Variants in SPTB observed in about 807,000 individuals in gnomAD.
SPTB encodes the protein spectrin beta, erythrocytic.
A neutral mutation model predicts 256.2 loss-of-function variants in SPTB; 45 were observed. That is an observed-to-expected ratio of 0.18 (90% CI 0.14 to 0.23). The LOEUF is 0.23. Among genes scored for constraint, SPTB ranks in the 10% least tolerant of loss-of-function variants. SPTB has a pLI of 1.00. For missense variants in SPTB, 2,715 were observed against 3,040.4 expected, an observed-to-expected ratio of 0.89 and a Z score of 2.52; for synonymous variants, 1,231 against 1,243.1, an observed-to-expected ratio of 0.99 and a Z score of 0.21.
chr14:64,869,551 C>G (rs2139819893), intron 1 of SPTB, among the ~76,000 whole-genome samples: 1 of 151,886 alleles, frequency 6.6e-6, no homozygotes, highest in Non-Finnish European at 1.5e-5. Context: ...CTCAAGCAAT[C>G]CTCTGGCCTC....
intron 32 of SPTB, among the ~76,000 whole-genome samples, chr14:64,762,927 C>T (rs930918641): frequency 6.6e-6 from 1 of 152,230 alleles, no homozygotes; most frequent in Non-Finnish European, 1.5e-5. Context: ...GAGCACCAAT[C>T]CCTTTCAGGG....
intron 1 of SPTB, among the ~76,000 whole-genome samples, chr14:64,857,582 A>G (rs1378840305): frequency 1.4e-5 from 2 of 139,034 alleles, no homozygotes; most frequent in Non-Finnish European, 1.5e-5. Flanking sequence ...TGCCTCAAAA[A>G]AAAAAAAAAA....
At position 64,771,101 on chromosome 14, in the gene SPTB, C is replaced by T. The variant is rs375479678; in HGVS notation, c.5582G>A (p.Arg1861His). ...CTCCCCAGCATATGCTGTCTGCAGA[C>T]GGGTGGCCACGTCCTGGAACTGCTG... ...QVQQFQDVAT[R>H]LQTAYAGEKA... The change falls in exon 27 of 36, where the codon CGT (arginine) becomes CAT (histidine). Residue 1861 changes from arginine (R) to histidine (H), a missense_variant. Arg to His is a conservative substitution (Grantham distance 29, BLOSUM62 0). This residue lies in a region of SPTB where 2,239 missense variants were observed against 2,384.4 expected (regional missense o/e 0.94). Transcript: ENST00000644917. The T allele has an allele frequency of 1.9e-5, 31 of 1,613,894 alleles. No individual in the cohort carries two copies. The highest frequency in any genetic ancestry group is 6.7e-5 in the African/African-American group (5 of 74,952).
At chr14:64,835,673 C>T (rs1026911352) in intron 1 of SPTB, among the ~76,000 whole-genome samples, 33 of 152,192 alleles carry the variant, frequency 2.2e-4, no homozygotes, top group African/African-American at 6.8e-4. Context: ...CTCCTGCTGT[C>T]GCTCTGCTGC....
chr14:64,793,214 G>A lies in SPTB; in HGVS notation c.2449C>T (p.Pro817Ser). ...GCCTGCAGCCGATGGGTCACATCTG[G>A]GGAATCCCGAAACTCTTCGGGGAAT... ...QGFPEEFRDS[P>S]DVTHRLQALR... The change falls in exon 14 of 36, where the codon CCA becomes TCA. Residue 817 changes from proline to serine, a missense_variant. Around this residue, in one of 4 missense-constraint regions of SPTB, gnomAD observed 2,239 missense variants for 2,384.4 expected, o/e 0.94. Transcript: ENST00000644917. The surrounding 1 kb of genome is among the most constrained non-coding windows in gnomAD (Gnocchi z 7.0). 1 of 1,611,876 alleles carries A rather than the reference G, an allele frequency of 6.2e-7. No individual in the cohort carries two copies. Among genetic ancestry groups the A allele is most frequent in the South Asian group, 1.1e-5 (1 of 91,082 alleles).
At chr14:64,776,997 C>T (rs970680409) in intron 22 of SPTB, among the ~76,000 whole-genome samples, 3 of 152,146 alleles carry the variant, frequency 2.0e-5, no homozygotes, top group Non-Finnish European at 4.4e-5. Flanking sequence ...AAAGGCTGGG[C>T]CTTCCTCCCT....
chr14:64,869,621 A>ATTTT (rs11302191), intron 1 of SPTB, among the ~76,000 whole-genome samples: 4 of 139,502 alleles, frequency 2.9e-5, no homozygotes, highest in African/African-American at 5.4e-5. Context: ...GATTTTTTAA[A>ATTTT]TTTTTTTTTT....
chr14:64,800,626 C>A, intron 8 of SPTB, 130 bp downstream of exon 8: 1 of 811,464 alleles, frequency 1.2e-6, no homozygotes, highest in East Asian at 2.7e-5. Context: ...TTGCCAAGGT[C>A]AGCTTTAGAG....
At chr14:64,750,528 C>T (rs1392553744) in intron 33 of SPTB, among the ~76,000 whole-genome samples, 1 of 152,076 alleles carries the variant, frequency 6.6e-6, no homozygotes, top group Non-Finnish European at 1.5e-5. Context: ...GTAATCCCAG[C>T]ACTTTGGGAG....
rs2083609079 is a variant in SPTB, at chr14:64,841,671, C to T, written c.-51-18526G>A. 6.6e-6 allele frequency among the ~76,000 whole-genome samples: 1 copy of T among 152,050 alleles called. No individual in the cohort carries two copies. The highest frequency in any genetic ancestry group is 1.5e-5 in the Non-Finnish European group (1 of 68,018). On this transcript the variant is annotated intron_variant, in intron 1 of 35. Coordinates refer to ENST00000644917, the MANE Select transcript of SPTB (RefSeq NM_001355436.2). This position sits in a 1 kb window ranked among gnomAD's most constrained non-coding sequence, Gnocchi z 4.6. ...AGGAAAGCATTGTGGGTAACGTTCCCAGGACAGACCAGTGGCAGAGTCAGA... is the reference window on the plus strand; with the variant it reads ...AGGAAAGCATTGTGGGTAACGTTCCTAGGACAGACCAGTGGCAGAGTCAGA...
intron 1 of SPTB, among the ~76,000 whole-genome samples, chr14:64,831,002 A>G (rs939059488): frequency 2.0e-5 from 3 of 152,182 alleles, no homozygotes; most frequent in Non-Finnish European, 4.4e-5. Context: ...TGTTCTCAGA[A>G]TCTGAGTGAG....
intron 32 of SPTB, chr14:64,766,459 A>C (rs561411724): frequency 4.5e-5 from 64 of 1,424,806 alleles, no homozygotes; most frequent in Non-Finnish European, 5.7e-5. Context: ...TACATTAGGT[A>C]AAACAAAACT....
chr14:64,853,415 A>G lies in SPTB; in HGVS notation c.-52+26377T>C, dbSNP rs2083817300. ...GAACAAAGCAATTTAGGAGATAACC[A>G]TATCAGGAAGCCTCAGGGGAGGAAA... On this transcript the variant is annotated intron_variant, in intron 1 of 35. Transcript: ENST00000644917. The surrounding 1 kb of genome is among the most constrained non-coding windows in gnomAD (Gnocchi z 4.3). Among the ~76,000 whole-genome samples, 1 of 152,198 alleles carries G rather than the reference A, an allele frequency of 6.6e-6. No homozygotes were observed. The highest frequency in any genetic ancestry group is 2.4e-5 in the African/African-American group (1 of 41,432).
chr14:64,784,426 G>A (rs540344886), intron 18 of SPTB, 33 bp from the exon 19 acceptor site: 37 of 1,613,122 alleles, frequency 2.3e-5, no homozygotes, highest in Non-Finnish European at 3.1e-5. Context: ...GACTATCCCT[G>A]AGTATATTTC....
In SPTB at chr14:64,749,824, T is replaced by C; in HGVS notation, c.6777-128A>G. ...CCCTCTCAGGCAGCCCAGCACTTTC[T>C]GAGAGGTCAAAGTCTGGACCATCAG... is the stretch of plus-strand genomic sequence containing the variant. On this transcript the variant is annotated intron_variant, in intron 34 of 35. Coordinates refer to ENST00000644917, the MANE Select transcript of SPTB (RefSeq NM_001355436.2). The surrounding 1 kb of genome is among the most constrained non-coding windows in gnomAD (Gnocchi z 4.7). 1 of 1,491,282 alleles carries C rather than the reference T, an allele frequency of 6.7e-7. No individual in the cohort carries two copies. The highest frequency in any genetic ancestry group is 9.2e-7 in the Non-Finnish European group (1 of 1,082,630). The allele number at this position is 1,491,282 out of a possible 1,614,324, so 92.4% of individuals were successfully genotyped here.
At position 64,778,888 on chromosome 14, in the gene SPTB, A is replaced by T. The variant is rs1301206885; in HGVS notation, c.4563+269T>A. ...CCAGGCCAGGCCCCCGAGATCCTGC[A>T]TTCACCTGTGCCTGATGGAGGCTGA... On this transcript the variant is annotated intron_variant, in intron 22 of 35. Coordinates refer to ENST00000644917, the MANE Select transcript of SPTB (RefSeq NM_001355436.2). This position sits in a 1 kb window ranked among gnomAD's most constrained non-coding sequence, Gnocchi z 5.2. Among the ~76,000 whole-genome samples the T allele has an allele frequency of 6.6e-6, 1 of 152,076 alleles. No individual in the cohort carries two copies. Among genetic ancestry groups the T allele is most frequent in the Non-Finnish European group, 1.5e-5 (1 of 68,008 alleles).
In SPTB at chr14:64,801,309, T is replaced by C. The variant is rs147062348; in HGVS notation, c.739A>G (p.Ile247Val). The change falls in exon 7 of 36, where the codon ATC (isoleucine) becomes GTC (valine). Residue 247 changes from isoleucine (I) to valine (V), a missense_variant. Transcript: ENST00000644917. The stretch of plus-strand genomic sequence containing the variant: ...CCTTCGGGGTCGAGGAGCGGGATGA[T>C]GCCCAGCTGGCGCTCAGCCACATTG... ...AFNVAERQLG[I>V]IPLLDPEDVF... is the part of the protein sequence containing the mutation. The C allele has an allele frequency of 3.7e-6, 6 of 1,614,090 alleles. No individual in the cohort carries two copies. The African/African-American group carries it at 8.0e-5, about 22-fold the overall frequency.
chr14:64,799,627 C>A (rs1310437451), intron 9 of SPTB, 120 bp downstream of exon 9: 2 of 1,198,830 alleles, frequency 1.7e-6, no homozygotes, highest in Non-Finnish European at 2.4e-6. Context: ...ACATACAGCT[C>A]TCTAATCTTG....
intron 18 of SPTB, among the ~76,000 whole-genome samples, chr14:64,784,674 G>A (rs2082533083): frequency 6.6e-6 from 1 of 152,220 alleles, no homozygotes; most frequent in African/African-American, 2.4e-5. Flanking sequence ...TGAGGACCTA[G>A]GACAGGGCCT....
Sources: allele counts gnomAD v4.1 joint callset (sites outside exome capture counted in the v4.1 genomes callset), GRCh38; gene constraint gnomAD v4.1.1; regional missense constraint gnomAD v4.1.1; non-coding constraint Gnocchi (gnomAD v3.1); transcripts MANE v1.5; gene names NCBI Gene and HGNC (gene_info 2026-07-23, HGNC 2026-07-21).